THSD7B: variants seen among roughly 807,000 people sequenced by gnomAD.
THSD7B encodes thrombospondin type 1 domain containing 7B, also known as thrombospondin type-1 domain-containing protein 7B.
A neutral mutation model predicts 213.6 loss-of-function variants in THSD7B; 138 were observed. The ratio of observed to expected loss-of-function variants is 0.65; its 90% CI spans 0.56 to 0.74. The LOEUF (loss-of-function observed/expected upper bound fraction) is 0.74. THSD7B is among the 30% of genes least tolerant of loss of function. The probability of loss-of-function intolerance (pLI) is 0.00; values close to 1 mark genes in which losing one functional copy is unlikely to be tolerated. For synonymous variants in THSD7B, 742 were observed against 687.0 expected (o/e 1.08, Z -1.25); for missense variants, 1,931 against 1,991.5 (o/e 0.97, Z 0.58).
chr2:137,456,201 G>T (rs951624231), intron 15 of THSD7B, among the ~76,000 whole-genome samples: 7 of 152,164 alleles, frequency 4.6e-5, no homozygotes. Context: ...ATTTGGAAAT[G>T]AATAATGTAA....
chr2:137,353,797 A>G (rs1286860909), intron 12 of THSD7B, among the ~76,000 whole-genome samples: 2 of 152,160 alleles, frequency 1.3e-5, no homozygotes, highest in Admixed American at 1.3e-4. Context: ...ACCTTTCAGA[A>G]TGTCATGCCA....
chr2:137,616,305 A>T lies in THSD7B; in HGVS notation c.3554A>T (p.Tyr1185Phe). The change falls in exon 18 of 28, where the codon TAC (tyrosine) becomes TTC (phenylalanine). Residue 1185 changes from tyrosine to phenylalanine, a missense_variant. Tyr to Phe is a conservative substitution (Grantham distance 22, BLOSUM62 3). Coordinates refer to ENST00000409968, the MANE Select transcript of THSD7B (RefSeq NM_001316349.2). ...AATGAAAATTGCTTCCAGTTCCAGT[A>T]CAATCTAACAGGTACAGTTAAAATC... Reference protein sequence around the residue: ...LLNENCFQFQYNLTEWSTCQL... With the variant: ...LLNENCFQFQFNLTEWSTCQL... The T allele has an allele frequency of 6.2e-7, 1 of 1,613,664 alleles. No homozygotes were observed. The highest frequency in any genetic ancestry group is 8.5e-7 in the Non-Finnish European group (1 of 1,179,662).
intron 3 of THSD7B, among the ~76,000 whole-genome samples, chr2:137,086,381 T>C (rs1452231863): frequency 1.3e-5 from 2 of 151,964 alleles, no homozygotes; most frequent in Non-Finnish European, 2.9e-5. Context: ...AAAAATCTTG[T>C]AGCTATAGGG....
chr2:137,508,413 G>A lies in THSD7B; in HGVS notation c.3139-54808G>A, dbSNP rs565345122. On this transcript the variant is annotated intron_variant, in intron 15 of 27. Coordinates refer to ENST00000409968, the MANE Select transcript of THSD7B (RefSeq NM_001316349.2). Reference sequence around the variant, plus strand: ...TTTTTTTTTGAGACAGTCTCGCTGTGTCGCCCAGGCTGGAGTGCAGTGGCG... The same window carrying A: ...TTTTTTTTTGAGACAGTCTCGCTGTATCGCCCAGGCTGGAGTGCAGTGGCG... Among the ~76,000 whole-genome samples, 981 of 134,392 alleles carry A rather than the reference G, an allele frequency of 7.3e-3. 13 individuals carry two copies. Among genetic ancestry groups the A allele is most frequent in the African/African-American group, 0.027 (932 of 34,986 alleles). 88.2% of individuals were successfully genotyped at this position (134,392 alleles called of 152,430 possible).
At chr2:137,203,572 GA>G (rs929452426) in intron 7 of THSD7B, among the ~76,000 whole-genome samples, 2 of 151,348 alleles carry the variant, frequency 1.3e-5, no homozygotes, top group Admixed American at 6.6e-5. Flanking sequence ...AAGAGATAAG[GA>G]AAAAAAACCT....
intron 2 of THSD7B, among the ~76,000 whole-genome samples, chr2:136,909,922 A>G (rs1187436464): frequency 6.6e-6 from 1 of 152,160 alleles, no homozygotes; most frequent in Non-Finnish European, 1.5e-5. Context: ...ATGGGAGGGC[A>G]TGCTGAGAAT....
chr2:137,017,549 G>A (rs1686364952), intron 2 of THSD7B, among the ~76,000 whole-genome samples: 3 of 152,098 alleles, frequency 2.0e-5, no homozygotes, highest in East Asian at 1.9e-4. Flanking sequence ...GTGTGTCACA[G>A]GGATGATATT....
Position 137,659,714 on chromosome 2 carries a change from G to A in THSD7B, c.4426G>A (p.Ala1476Thr). ...RPAAIRQCIP[A>T]CRKPFSYCTQ... Reference sequence around the variant, plus strand: ...TGCTGCCATTCGGCAGTGCATTCCAGCCTGCAGAAAACCTTTCTCCTACTG... The same window carrying A: ...TGCTGCCATTCGGCAGTGCATTCCAACCTGCAGAAAACCTTTCTCCTACTG... Residue 1476 changes from alanine to threonine, a missense_variant, in exon 25 of 28, where the codon GCC becomes ACC. Physicochemically the swap from Ala to Thr is moderately conservative, Grantham distance 58. Transcript: ENST00000409968. 6.2e-7 allele frequency: 1 copy of A among 1,604,542 alleles called. No homozygotes were observed. Among genetic ancestry groups the A allele is most frequent in the African/African-American group, 1.3e-5 (1 of 74,908 alleles).
chr2:137,077,513 C>CTTGT (rs1687655531), intron 3 of THSD7B, among the ~76,000 whole-genome samples: 1 of 152,078 alleles, frequency 6.6e-6, no homozygotes, highest in Non-Finnish European at 1.5e-5. Context: ...TTAATGATCA[C>CTTGT]CATTCTAACT....
At position 137,412,597 on chromosome 2, in the gene THSD7B, C is replaced by CAAA. The variant is rs748551585; in HGVS notation, c.2959+736_2959+738dup. Reference sequence around the variant, plus strand: ...GGGCAACGAGAGCAAAACTCTGTCTCAAAAAAAAAAAAACAAAAAAAAACA... The same window carrying CAAA: ...GGGCAACGAGAGCAAAACTCTGTCTCAAAAAAAAAAAAAAAACAAAAAAAAACA... On this transcript the variant is annotated intron_variant, in intron 14 of 27. Coordinates refer to ENST00000409968, the MANE Select transcript of THSD7B (RefSeq NM_001316349.2). 4.0e-3 allele frequency among the ~76,000 whole-genome samples: 95 copies of CAAA among 24,000 alleles called. 11 individuals are homozygous for CAAA. The highest frequency in any genetic ancestry group is 7.0e-3 in the East Asian group (2 of 284). 15.7% of individuals were successfully genotyped at this position (24,000 alleles called of 152,430 possible). A position where few individuals can be genotyped will look rare whatever the true frequency, so the allele number is the denominator to read the frequency against.
rs535761058 is a variant in THSD7B, at chr2:137,505,584, A to G, written c.3138+54561A>G. Among the ~76,000 whole-genome samples the G allele has an allele frequency of 1.1e-3, 162 of 152,372 alleles. 1 individual carries two copies. Among genetic ancestry groups the G allele is most frequent in the African/African-American group, 3.7e-3 (154 of 41,596 alleles). On this transcript the variant is annotated intron_variant, in intron 15 of 27. Transcript: ENST00000409968. ...GCCACGTGATCATGCCTGGACCAAC[A>G]TTCTGCGAACGGAGTCCTGGGATAA...
intron 17 of THSD7B, among the ~76,000 whole-genome samples, chr2:137,576,028 C>G (rs912115413): frequency 9.2e-5 from 14 of 152,076 alleles, no homozygotes; most frequent in African/African-American, 3.4e-4. Context: ...ATAGAATCAT[C>G]TATTCTTCAA....
At chr2:137,081,164 A>G (rs1208044537) in intron 3 of THSD7B, among the ~76,000 whole-genome samples, 4 of 152,086 alleles carry the variant, frequency 2.6e-5, no homozygotes, top group East Asian at 3.9e-4. Context: ...TTTTACTAGT[A>G]TATGTCCCAG....
intron 3 of THSD7B, among the ~76,000 whole-genome samples, chr2:137,059,756 T>C (rs573993893): frequency 6.6e-6 from 1 of 152,216 alleles, no homozygotes; most frequent in Non-Finnish European, 1.5e-5. Flanking sequence ...TGTGGTACTA[T>C]AGTTTGTTCA....
intron 1 of THSD7B, among the ~76,000 whole-genome samples, chr2:136,767,571 A>G (rs1373549576): frequency 2.0e-5 from 3 of 152,198 alleles, no homozygotes; most frequent in East Asian, 3.9e-4. Context: ...AGTGAAAAAA[A>G]TTATGAAGAA....
At chr2:136,891,861 CA>C (rs777138230) in intron 2 of THSD7B, among the ~76,000 whole-genome samples, 23 of 152,186 alleles carry the variant, frequency 1.5e-4, no homozygotes, top group Non-Finnish European at 3.1e-4. Flanking sequence ...GTTCACACAT[CA>C]GTGGGTCATT....
intron 21 of THSD7B, among the ~76,000 whole-genome samples, chr2:137,648,515 G>A (rs535372660): frequency 9.2e-5 from 14 of 152,162 alleles, no homozygotes; most frequent in African/African-American, 2.9e-4. Context: ...TTCACTTAAT[G>A]AGCTCCAGTT....
Position 137,581,785 on chromosome 2 carries a change from AT to A in THSD7B, c.3423+9230del, listed in dbSNP as rs1470913907. 9.3e-3 allele frequency among the ~76,000 whole-genome samples: 1,359 copies of A among 145,496 alleles called. 19 individuals are homozygous for A. Among genetic ancestry groups the A allele is most frequent in the African/African-American group, 0.03 (1,188 of 39,290 alleles). On this transcript the variant is annotated intron_variant, in intron 17 of 27. Coordinates refer to ENST00000409968, the MANE Select transcript of THSD7B (RefSeq NM_001316349.2). ...AAAAAAAAAAATAAAAAAAAAAAAA[AT>A]AATAATAAATAATAATAATAAATGA...
chr2:137,481,080 G>A (rs564514523), intron 15 of THSD7B, among the ~76,000 whole-genome samples: 1 of 152,116 alleles, frequency 6.6e-6, no homozygotes, highest in Non-Finnish European at 1.5e-5. Flanking sequence ...CTGCCATCTT[G>A]GAAGCAGAGA....
Sources: gnomAD v4.1 joint callset for allele counts (sites outside exome capture counted in the v4.1 genomes callset) on GRCh38, gnomAD v4.1.1 for gene constraint, MANE v1.5 for transcripts, NCBI Gene and HGNC (gene_info 2026-07-23, HGNC 2026-07-21) for gene names.